Variants in C5 observed in about 807,000 individuals in gnomAD.
C5 encodes complement C5.
Under a neutral mutation model 218.8 loss-of-function variants are expected in C5, and 140 were observed. The observed-to-expected ratio is 0.64, with a 90% CI of 0.56 to 0.74. The LOEUF (loss-of-function observed/expected upper bound fraction) is 0.74, where lower values mean the gene tolerates loss of function less well. C5 is among the 30% of genes least tolerant of loss of function. The pLI is 0.00. For synonymous variants in C5, 614 were observed against 682.3 expected, an observed-to-expected ratio of 0.90 and a Z score of 1.56; for missense variants, 1,700 against 1,969.6, an observed-to-expected ratio of 0.86 and a Z score of 2.59.
Position 121,027,255 on chromosome 9 carries a change from CTACTTTAT to C in C5, c.770_777del (p.Asn257SerfsTer3). 6.5e-7 allele frequency: 1 copy of C among 1,539,904 alleles called. No individual in the cohort carries two copies. On this transcript the variant is annotated frameshift_variant, in exon 8 of 41. Coordinates refer to ENST00000223642, the MANE Select transcript of C5 (RefSeq NM_001735.3). LOFTEE classifies it high-confidence loss of function. ...GTGATATAAACGTCAGCCTCAGTGA[CTACTTTAT>C]TATAAAAATATCTGTCAGACAATAG...
At chr9:120,971,358 C>T (rs995044728) in intron 31 of C5, among the ~76,000 whole-genome samples, 3 of 151,474 alleles carry the variant, frequency 2.0e-5, no homozygotes, top group Non-Finnish European at 4.4e-5. Flanking sequence ...TATGCGTATA[C>T]ACATATATAA....
intron 31 of C5, among the ~76,000 whole-genome samples, chr9:120,971,225 G>A (rs1366226231): frequency 6.9e-6 from 1 of 145,600 alleles, no homozygotes; most frequent in Admixed American, 6.8e-5. Flanking sequence ...CTAAAATGAA[G>A]AAATAAGTCT....
chr9:121,016,493 G>A (rs757002616), intron 14 of C5, 110 bp from the exon 15 acceptor site: 23 of 1,383,462 alleles, frequency 1.7e-5, no homozygotes, highest in Non-Finnish European at 2.3e-5. Context: ...GAAATACACA[G>A]ATGATATTTT....
At chr9:121,066,707 G>A in the C5 span, among the ~76,000 whole-genome samples, 33 of 151,282 alleles carry the variant, frequency 2.2e-4, no homozygotes, top group East Asian at 7.8e-4. Flanking sequence ...AAAATTAGCC[G>A]GGCGAGGTGG....
chr9:120,968,276 A>G (rs10818492), intron 33 of C5, among the ~76,000 whole-genome samples: 30,205 of 152,054 alleles, frequency 0.2, 5,280 homozygotes, highest in African/African-American at 0.47. Context: ...ATGGAAGCAG[A>G]GGTCACAGTC....
intron 21 of C5, among the ~76,000 whole-genome samples, chr9:120,997,181 G>C (rs745421618): frequency 6.6e-6 from 1 of 152,024 alleles, no homozygotes; most frequent in Non-Finnish European, 1.5e-5. Flanking sequence ...TTTTCTGAAT[G>C]TATTAAGGGG....
chr9:121,037,946 C>A lies in C5; in HGVS notation c.427G>T (p.Val143Phe). 6.8e-7 allele frequency: 1 copy of A among 1,478,702 alleles called. No homozygotes were observed. Among genetic ancestry groups the A allele is most frequent in the South Asian group, 1.2e-5 (1 of 80,718 alleles). 91.6% of individuals were successfully genotyped at this position (1,478,702 alleles called of 1,614,324 possible). ...PVYTPDQSVK[V>F]RVYSLNDDLK... ...TCGTCATTCAACGAATAAACTCTAA[C>A]TTTTACTGTAAGAATAATTGATATA... The change falls in exon 4 of 41, where the codon GTT becomes TTT. Residue 143 changes from valine to phenylalanine, a missense_variant. Coordinates refer to ENST00000223642, the MANE Select transcript of C5 (RefSeq NM_001735.3).
At chr9:120,982,869 T>A in intron 25 of C5, 55 bp from the exon 26 acceptor site, 1 of 952,460 alleles carries the variant, frequency 1.0e-6, no homozygotes, top group Non-Finnish European at 1.6e-6. Flanking sequence ...CCTTTTGACT[T>A]TCAATTAATT....
chr9:121,034,857 A>T lies in C5; in HGVS notation c.530T>A (p.Ile177Asn). 1 of 1,597,642 alleles carries T rather than the reference A, an allele frequency of 6.3e-7. No homozygotes were observed. Among genetic ancestry groups the T allele is most frequent in the Non-Finnish European group, 8.6e-7 (1 of 1,166,054 alleles). The stretch of plus-strand genomic sequence containing the variant: ...AAAAGAGATAATTCCAATATGATCA[A>T]TTTCTTCTACCATGTCAACTTCTGA... ...EGSEVDMVEE[I>N]DHIGIISFPD... The change falls in exon 5 of 41, where the codon ATT (isoleucine) becomes AAT (asparagine). Residue 177 changes from isoleucine (I) to asparagine (N), a missense_variant. Physicochemically the swap from Ile to Asn is moderately radical, Grantham distance 149. Coordinates refer to ENST00000223642, the MANE Select transcript of C5 (RefSeq NM_001735.3).
chr9:121,070,919 AT>A, the C5 span, among the ~76,000 whole-genome samples: 9 of 152,196 alleles, frequency 5.9e-5, no homozygotes, highest in Non-Finnish European at 1.3e-4. Flanking sequence ...GTTTGGGATG[AT>A]GGATATGCTA....
At chr9:120,983,371 C>T (rs1038121314) in intron 25 of C5, among the ~76,000 whole-genome samples, 6 of 152,120 alleles carry the variant, frequency 3.9e-5, no homozygotes, top group African/African-American at 1.4e-4. Flanking sequence ...TCTACTAATA[C>T]CCATCGAAGA....
chr9:121,074,817 C>T, the C5 span: 1 of 455,942 alleles, frequency 2.2e-6, no homozygotes, highest in South Asian at 1.5e-5. Flanking sequence ...GGAAGCCTCG[C>T]GCCCAAGACT....
chr9:121,040,954 T>C (rs1356950869), intron 3 of C5, among the ~76,000 whole-genome samples: 10 of 39,650 alleles, frequency 2.5e-4, no homozygotes, highest in Admixed American at 5.8e-4. Context: ...TTTTTTCTCT[T>C]TTTTTTTTTT....
At chr9:121,026,230 A>G (rs564312980) in intron 8 of C5, among the ~76,000 whole-genome samples, 32 of 152,338 alleles carry the variant, frequency 2.1e-4, no homozygotes, top group African/African-American at 7.0e-4. Flanking sequence ...AATGAATACG[A>G]AAAAGTGAGC....
intron 22 of C5, among the ~76,000 whole-genome samples, chr9:120,994,806 C>T (rs1006416730): frequency 6.6e-6 from 1 of 151,800 alleles, no homozygotes. Context: ...GAGATTTATT[C>T]CCAGATAAAA....
Position 120,980,159 on chromosome 9 carries a change from A to G in C5, c.3582T>C (p.Ala1194=). Residue 1194 remains alanine, a synonymous_variant, in exon 28 of 41, where the codon GCT becomes GCC. Transcript: ENST00000223642. The part of the protein sequence containing the change: ...STFTLAISAY[A]LSLGDKTHPQ... ...GGTGAGTTTTATCTCCCAGGGAAAG[A>G]GCATACGCAGAAATGGCCAATGTAA... The G allele has an allele frequency of 2.5e-6, 4 of 1,614,132 alleles. No individual in the cohort carries two copies. The highest frequency in any genetic ancestry group is 3.4e-6 in the Non-Finnish European group (4 of 1,179,996).
chr9:121,017,648 G>C lies in C5; in HGVS notation c.1711C>G (p.Leu571Val), dbSNP rs147226792. ...ACTTATAATTTGTGGCTTACCTGGA[G>C]CTGGTTGCCACATTTTTCTTCAATA... ...LNIEEKCGNQ[L>V]QVHLSPDADA... The change falls in exon 13 of 41, where the codon CTC becomes GTC. Residue 571 changes from leucine (L) to valine (V), a missense_variant. Leu to Val is a conservative substitution (Grantham distance 32, BLOSUM62 1). Transcript: ENST00000223642. 261 of 1,612,542 alleles carry C rather than the reference G, an allele frequency of 1.6e-4. No homozygotes were observed. The Middle Eastern group carries it at 5.3e-3, about 33-fold the overall frequency.
chr9:121,005,318 C>T (rs1273698778), intron 20 of C5, among the ~76,000 whole-genome samples: 1 of 152,042 alleles, frequency 6.6e-6, no homozygotes, highest in African/African-American at 2.4e-5. Flanking sequence ...TTAATGATGG[C>T]TGGTGAATTC....
In C5 at chr9:120,982,672, G is replaced by C. The variant is rs769518709; in HGVS notation, c.3373C>G (p.Gln1125Glu). The C allele has an allele frequency of 3.7e-6, 6 of 1,606,034 alleles. No homozygotes were observed. The highest frequency in any genetic ancestry group is 4.3e-6 in the Non-Finnish European group (5 of 1,173,430). The change falls in exon 26 of 41, where the codon CAA (glutamine) becomes GAA (glutamate). Residue 1125 changes from glutamine to glutamate, a missense_variant. Gln to Glu is a conservative substitution (Grantham distance 29). Coordinates refer to ENST00000223642, the MANE Select transcript of C5 (RefSeq NM_001735.3). ...TTCCTTACCTGTAATTTTATTGGTT[G>C]ATACTGTGAATTTTCCTTGAAAGAT... Reference protein sequence around the residue: ...NGSFKENSQYQPIKLQGTLPV... With the variant: ...NGSFKENSQYEPIKLQGTLPV...
Sources: gnomAD v4.1 joint callset for allele counts (sites outside exome capture counted in the v4.1 genomes callset) on GRCh38, gnomAD v4.1.1 for gene constraint, MANE v1.5 for transcripts, NCBI Gene and HGNC (gene_info 2026-07-23, HGNC 2026-07-21) for gene names.